CNTN4: variants seen among roughly 807,000 people sequenced by gnomAD.
CNTN4 encodes contactin 4.
In CNTN4, 77 loss-of-function variants were observed where a neutral mutation model predicts 122.5. The ratio of observed to expected loss-of-function variants is 0.63; its 90% CI spans 0.52 to 0.76. The LOEUF is 0.76. Among genes scored for constraint, CNTN4 ranks in the 30% least tolerant of loss-of-function variants. CNTN4 has a pLI of 0.00. For missense variants in CNTN4, 1,256 were observed against 1,259.1 expected, an observed-to-expected ratio of 1.00 and a Z score of 0.04; for synonymous variants, 512 against 447.0, an observed-to-expected ratio of 1.15 and a Z score of -1.83.
intron 6 of CNTN4, among the ~76,000 whole-genome samples, chr3:2,773,961 T>C (rs1259057404): frequency 1.3e-5 from 2 of 152,066 alleles, no homozygotes; most frequent in African/African-American, 4.8e-5. Context: ...GATTTCACCC[T>C]GTTGGCCAGG....
intron 2 of CNTN4, among the ~76,000 whole-genome samples, chr3:2,217,375 T>C (rs2038889384): frequency 1.3e-5 from 2 of 152,218 alleles, no homozygotes; most frequent in Admixed American, 1.3e-4. Context: ...ATCTTGTTCC[T>C]CTATGGATTC....
At chr3:2,612,412 A>G (rs1328357513) in intron 4 of CNTN4, among the ~76,000 whole-genome samples, 3 of 152,234 alleles carry the variant, frequency 2.0e-5, no homozygotes, top group Middle Eastern at 3.4e-3. Flanking sequence ...AAATGGTTGT[A>G]TGGGTATTTG....
intron 9 of CNTN4, among the ~76,000 whole-genome samples, chr3:2,884,380 T>C (rs889595117): frequency 2.0e-5 from 3 of 152,206 alleles, no homozygotes; most frequent in African/African-American, 7.2e-5. Context: ...CCATGTGTTT[T>C]CAAGTCGTGA....
chr3:3,009,139 T>A (rs1696932470), intron 14 of CNTN4: 1 of 573,606 alleles, frequency 1.7e-6, no homozygotes, highest in African/African-American at 2.0e-5. Flanking sequence ...GGGCCAATGT[T>A]AGACTATAAG....
chr3:2,101,039 T>C (rs924060366), intron 2 of CNTN4, among the ~76,000 whole-genome samples: 1 of 152,362 alleles, frequency 6.6e-6, no homozygotes, highest in East Asian at 1.9e-4. Context: ...TCAGTTTCTT[T>C]GAGTTGTAAA....
At chr3:2,677,907 G>T (rs1324314452) in intron 4 of CNTN4, among the ~76,000 whole-genome samples, 1 of 152,150 alleles carries the variant, frequency 6.6e-6, no homozygotes, top group Non-Finnish European at 1.5e-5. Flanking sequence ...CTACGGAAAT[G>T]TAAAGCATTT....
intron 22 of CNTN4, among the ~76,000 whole-genome samples, chr3:3,043,366 C>T (rs1429531269): frequency 2.0e-5 from 3 of 152,168 alleles, no homozygotes; most frequent in Admixed American, 6.5e-5. Context: ...TGTTTTTCTC[C>T]TCACTGGGAA....
At chr3:2,271,071 G>A (rs1186521502) in intron 2 of CNTN4, among the ~76,000 whole-genome samples, 1 of 152,108 alleles carries the variant, frequency 6.6e-6, no homozygotes, top group Admixed American at 6.6e-5. Context: ...AATATAGATG[G>A]TAGAAAACGA....
intron 13 of CNTN4, among the ~76,000 whole-genome samples, chr3:2,957,576 T>G (rs2124947941): frequency 6.6e-6 from 1 of 152,284 alleles, no homozygotes; most frequent in African/African-American, 2.4e-5. Flanking sequence ...AGGTAGTTTT[T>G]CAGCTCACAT....
intron 7 of CNTN4, among the ~76,000 whole-genome samples, chr3:2,826,873 T>C (rs1454632903): frequency 6.6e-6 from 1 of 152,226 alleles, no homozygotes; most frequent in South Asian, 2.1e-4. Flanking sequence ...CCCAAACTGG[T>C]TCCTGGGTTT....
intron 3 of CNTN4, among the ~76,000 whole-genome samples, chr3:2,413,134 C>G (rs995737430): frequency 6.6e-6 from 1 of 152,186 alleles, no homozygotes; most frequent in Non-Finnish European, 1.5e-5. Flanking sequence ...TAATGACTGT[C>G]TTCTCTAACC....
intron 12 of CNTN4, among the ~76,000 whole-genome samples, chr3:2,905,245 G>A (rs1338256366): frequency 6.6e-6 from 1 of 152,204 alleles, no homozygotes; most frequent in African/African-American, 2.4e-5. Flanking sequence ...CAAACTAGAA[G>A]TGTTAGTCTG....
At chr3:2,225,080 G>A (rs1298914596) in intron 2 of CNTN4, among the ~76,000 whole-genome samples, 1 of 150,732 alleles carries the variant, frequency 6.6e-6, no homozygotes, top group African/African-American at 2.4e-5. Context: ...AACCCGGGAG[G>A]TAGAGCTTGC....
chr3:2,191,000 T>A (rs1362753961), intron 2 of CNTN4, among the ~76,000 whole-genome samples: 2 of 152,136 alleles, frequency 1.3e-5, no homozygotes, highest in African/African-American at 2.4e-5. Flanking sequence ...AGTCTTGAGT[T>A]TTCAAGGAAT....
At chr3:2,421,887 T>A (rs1396452633) in intron 3 of CNTN4, among the ~76,000 whole-genome samples, 1 of 152,214 alleles carries the variant, frequency 6.6e-6, no homozygotes. Context: ...TTAAATAATT[T>A]GCTCAACAAC....
At chr3:2,739,966 CT>C (rs1029497495) in intron 5 of CNTN4, among the ~76,000 whole-genome samples, 1 of 152,136 alleles carries the variant, frequency 6.6e-6, no homozygotes, top group Non-Finnish European at 1.5e-5. Flanking sequence ...GGATTTTATC[CT>C]TGCTTTTTAG....
chr3:3,038,960 G>A lies in CNTN4; in HGVS notation c.2120G>A (p.Ser707Asn). 6.2e-7 allele frequency: 1 copy of A among 1,614,178 alleles called. No homozygotes were observed. The highest frequency in any genetic ancestry group is 1.6e-4 in the Middle Eastern group (1 of 6,062). Residue 707 changes from serine (S) to asparagine (N), a missense_variant, in exon 19 of 25, where the codon AGT becomes AAT. By Grantham distance (46) the Ser-to-Asn change is conservative. Coordinates refer to ENST00000418658, the MANE Select transcript of CNTN4 (RefSeq NM_175607.3). Reference sequence around the variant, plus strand: ...CCCGAAGTCACACCAGCGAATGTCAGTGGTGGCGGAGGCAGCAAATCTGAA... The same window carrying A: ...CCCGAAGTCACACCAGCGAATGTCAATGGTGGCGGAGGCAGCAAATCTGAA... Reference protein sequence around the residue: ...ALPEVTPANVSGGGGSKSELV... With the variant: ...ALPEVTPANVNGGGGSKSELV...
intron 4 of CNTN4, among the ~76,000 whole-genome samples, chr3:2,643,127 T>A (rs1164015062): frequency 2.0e-5 from 3 of 152,208 alleles, no homozygotes; most frequent in African/African-American, 7.2e-5. Flanking sequence ...TGTATTAATC[T>A]CTTCTCAAGT....
intron 3 of CNTN4, among the ~76,000 whole-genome samples, chr3:2,508,250 C>T (rs1344572759): frequency 1.3e-5 from 2 of 152,146 alleles, no homozygotes; most frequent in Non-Finnish European, 2.9e-5. Flanking sequence ...CCAGTAGGTG[C>T]CCTGGGCAGC....
Sources: allele counts gnomAD v4.1 joint callset (sites outside exome capture counted in the v4.1 genomes callset), GRCh38; gene constraint gnomAD v4.1.1; transcripts MANE v1.5; gene names NCBI Gene and HGNC (gene_info 2026-07-23, HGNC 2026-07-21).